Variants in TMED3 observed in about 807,000 individuals in gnomAD.
TMED3 encodes transmembrane emp24 domain-containing protein 3.
In TMED3, 9 loss-of-function variants were observed where a neutral mutation model predicts 15.0. The observed-to-expected ratio is 0.60, with a 90% CI of 0.36 to 1.04. The LOEUF (loss-of-function observed/expected upper bound fraction) is 1.04, where lower values mean the gene tolerates loss of function less well. Among genes scored for constraint, TMED3 ranks in the 50% least tolerant of loss-of-function variants. The probability of loss-of-function intolerance (pLI) is 0.01; values close to 1 mark genes in which losing one functional copy is unlikely to be tolerated. For synonymous variants in TMED3, 117 were observed against 121.4 expected, an observed-to-expected ratio of 0.96 and a Z score of 0.24; for missense variants, 267 against 278.9, an observed-to-expected ratio of 0.96 and a Z score of 0.30.
chr15:79,363,843 A>G (rs540956974), intron 2 of TMED3, among the ~76,000 whole-genome samples: 4 of 152,328 alleles, frequency 2.6e-5, no homozygotes, highest in African/African-American at 9.6e-5. Flanking sequence ...GCAGCAAGAC[A>G]AAGTACGGCC....
intron 2 of TMED3, among the ~76,000 whole-genome samples, chr15:79,317,405 C>T (rs1056774610): frequency 6.6e-6 from 1 of 152,246 alleles, no homozygotes; most frequent in African/African-American, 2.4e-5. Flanking sequence ...CTGACCAGTA[C>T]TGCTGAATTC....
downstream of TMED3, among the ~76,000 whole-genome samples, chr15:79,327,514 A>G (rs985795474): frequency 6.6e-6 from 1 of 152,238 alleles, no homozygotes; most frequent in African/African-American, 2.4e-5. Flanking sequence ...GTTCTTTTAA[A>G]TGTACAAATG....
intron 2 of TMED3, among the ~76,000 whole-genome samples, chr15:79,344,326 T>G (rs2058861184): frequency 6.6e-6 from 1 of 152,148 alleles, no homozygotes. Context: ...CTGGGAAGCT[T>G]AAAACAACAT....
intron 2 of TMED3, among the ~76,000 whole-genome samples, chr15:79,350,766 G>C (rs982426524): frequency 9.2e-5 from 14 of 152,170 alleles, no homozygotes; most frequent in African/African-American, 3.4e-4. Flanking sequence ...CCATCACAAT[G>C]AATGGGAGAA....
intron 2 of TMED3, among the ~76,000 whole-genome samples, chr15:79,400,109 C>T (rs946089312): frequency 2.0e-5 from 3 of 152,164 alleles, no homozygotes; most frequent in Admixed American, 6.5e-5. Flanking sequence ...AAAGACCCGT[C>T]GAACTTGTCA....
chr15:79,392,417 G>A (rs1893708615), intron 2 of TMED3, among the ~76,000 whole-genome samples: 1 of 152,150 alleles, frequency 6.6e-6, no homozygotes, highest in African/African-American at 2.4e-5. Flanking sequence ...TGTTTCAAGA[G>A]GCTGAGGATA....
intron 2 of TMED3, among the ~76,000 whole-genome samples, chr15:79,374,783 C>T (rs567824389): frequency 1.8e-4 from 27 of 152,266 alleles, no homozygotes; most frequent in African/African-American, 5.1e-4. Context: ...TGGACCAGGG[C>T]AAACAGGTGG....
chr15:79,361,988 T>C (rs1304538501), intron 2 of TMED3, among the ~76,000 whole-genome samples: 1 of 152,178 alleles, frequency 6.6e-6, no homozygotes, highest in South Asian at 2.1e-4. Flanking sequence ...CTTTTTAGGG[T>C]CTATAAGAAG....
chr15:79,395,757 T>C (rs1162222699), intron 2 of TMED3, among the ~76,000 whole-genome samples: 2 of 152,248 alleles, frequency 1.3e-5, no homozygotes, highest in Non-Finnish European at 1.5e-5. Context: ...CTCACACTTA[T>C]GTTTAAATAC....
intron 2 of TMED3, among the ~76,000 whole-genome samples, chr15:79,347,853 C>A (rs181353338): frequency 6.6e-6 from 1 of 152,144 alleles, no homozygotes; most frequent in Admixed American, 6.5e-5. Flanking sequence ...ACAAGGATAA[C>A]TACAAAACAC....
intron 2 of TMED3, among the ~76,000 whole-genome samples, chr15:79,364,357 G>A (rs1690998379): frequency 6.6e-6 from 1 of 152,050 alleles, no homozygotes; most frequent in African/African-American, 2.4e-5. Context: ...TTGTGGGCCA[G>A]GTCGGAGGTT....
chr15:79,366,315 C>T (rs958182495), intron 2 of TMED3, among the ~76,000 whole-genome samples: 1 of 152,232 alleles, frequency 6.6e-6, no homozygotes, highest in African/African-American at 2.4e-5. Flanking sequence ...CTTGCTGATT[C>T]TGCCCATTGC....
intron 2 of TMED3, among the ~76,000 whole-genome samples, chr15:79,319,048 G>C (rs2058752801): frequency 6.6e-6 from 1 of 152,230 alleles, no homozygotes; most frequent in Non-Finnish European, 1.5e-5. Context: ...CAAAATAATA[G>C]AGGATAGAGG....
chr15:79,368,222 G>C (rs78626948), intron 2 of TMED3, among the ~76,000 whole-genome samples: 2 of 152,142 alleles, frequency 1.3e-5, no homozygotes, highest in Non-Finnish European at 2.9e-5. Flanking sequence ...TAGGTGCCTG[G>C]AATTTCCCTT....
intron 2 of TMED3, among the ~76,000 whole-genome samples, chr15:79,317,906 A>G (rs2058747940): frequency 6.6e-6 from 1 of 152,240 alleles, no homozygotes; most frequent in Non-Finnish European, 1.5e-5. Context: ...TAGCTGCCAG[A>G]GGCAGATTCT....
chr15:79,388,389 T>G (rs1239601589), intron 2 of TMED3, among the ~76,000 whole-genome samples: 2 of 152,104 alleles, frequency 1.3e-5, no homozygotes, highest in Non-Finnish European at 2.9e-5. Flanking sequence ...TCATGTTATT[T>G]TTCTCCCTTA....
chr15:79,387,483 TC>T (rs1318110688), intron 2 of TMED3, among the ~76,000 whole-genome samples: 2 of 152,158 alleles, frequency 1.3e-5, no homozygotes, highest in Non-Finnish European at 2.9e-5. Context: ...GTGGGACAAG[TC>T]CTCTCACTTT....
chr15:79,366,048 G>A (rs753155740), intron 2 of TMED3, among the ~76,000 whole-genome samples: 6 of 152,140 alleles, frequency 3.9e-5, no homozygotes, highest in Non-Finnish European at 5.9e-5. Flanking sequence ...GCCTTTCTTC[G>A]TGGTTCAGGA....
intron 2 of TMED3, among the ~76,000 whole-genome samples, chr15:79,365,538 A>T (rs1893215117): frequency 6.6e-6 from 1 of 152,200 alleles, no homozygotes. Context: ...GGAAAAGCAG[A>T]CTGGAGGGGA....
Sources: allele counts gnomAD v4.1 joint callset (sites outside exome capture counted in the v4.1 genomes callset), GRCh38; gene constraint gnomAD v4.1.1; transcripts MANE v1.5; gene names NCBI Gene and HGNC (gene_info 2026-07-23, HGNC 2026-07-21).